Variants in SCARB1 observed in about 807,000 individuals in gnomAD.
SCARB1 encodes the protein scavenger receptor class B member 1.
A neutral mutation model predicts 57.2 loss-of-function variants in SCARB1; 30 were observed. That is an observed-to-expected ratio of 0.52 (90% confidence interval 0.39 to 0.71). The LOEUF is 0.71. SCARB1 is among the 30% of genes least tolerant of loss of function. The pLI, the probability that SCARB1 is intolerant of heterozygous loss-of-function variation, is 0.00. For missense variants in SCARB1, 543 were observed against 671.2 expected (o/e 0.81, Z 2.11); for synonymous variants, 249 against 268.3 (o/e 0.93, Z 0.70).
intron 1 of SCARB1, among the ~76,000 whole-genome samples, chr12:124,856,774 G>A (rs1160101616): frequency 2.6e-5 from 4 of 152,234 alleles, no homozygotes; most frequent in Admixed American, 6.5e-5. Context: ...TGATAAAGGC[G>A]CAGAGCGGGC....
In SCARB1 at chr12:124,812,961, AT is replaced by A. The variant is rs1950577279; in HGVS notation, c.631-997del. ...CAAAATGATAGTCTTTATTTTCATT[AT>A]TATTGTTATTATTAATAAATGCTCA... On this transcript the variant is annotated intron_variant, in intron 4 of 12. Coordinates refer to ENST00000261693, the MANE Select transcript of SCARB1 (RefSeq NM_005505.5). The surrounding 1 kb of genome is among the most constrained non-coding windows in gnomAD (Gnocchi z 4.3). Among the ~76,000 whole-genome samples the A allele has an allele frequency of 6.6e-6, 1 of 152,172 alleles. No individual in the cohort carries two copies. The highest frequency in any genetic ancestry group is 6.5e-5 in the Admixed American group (1 of 15,278).
Position 124,812,455 on chromosome 12 carries a change from G to A in SCARB1, c.631-490C>T, listed in dbSNP as rs141062599. ...ATCCCCAAGTGACCACCACAAGCGC[G>A]GGTGCCCCAGTCACCCACACTGGAC... is the stretch of plus-strand genomic sequence containing the variant. On this transcript the variant is annotated intron_variant, in intron 4 of 12. Transcript: ENST00000261693. This position sits in a 1 kb window ranked among gnomAD's most constrained non-coding sequence, Gnocchi z 4.3. Among the ~76,000 whole-genome samples the A allele has an allele frequency of 2.9e-3, 439 of 152,312 alleles. 1 individual carries two copies. The highest frequency in any genetic ancestry group is 0.01 in the African/African-American group (423 of 41,550).
rs1272609427 is a variant in SCARB1 at position 124,800,370 on chromosome 12, A to G, written c.1010-128T>C. The G allele has an allele frequency of 3.0e-6, 2 of 672,642 alleles. No homozygotes were observed. Among genetic ancestry groups the G allele is most frequent in the Non-Finnish European group, 5.3e-6 (2 of 376,730 alleles). The allele number at this position is 672,642 out of a possible 1,614,324, so 41.7% of individuals were successfully genotyped here. ...TGGCGATGACAAGATAACCAGACAG[A>G]GAGGATCCCTTCCTCCATTCTGTAA... is the stretch of plus-strand genomic sequence containing the variant. On this transcript the variant is annotated intron_variant, in intron 7 of 12. Transcript: ENST00000261693. This position sits in a 1 kb window ranked among gnomAD's most constrained non-coding sequence, Gnocchi z 4.8.
At chr12:124,859,577 C>T (rs1182996561) in intron 1 of SCARB1, among the ~76,000 whole-genome samples, 2 of 152,084 alleles carry the variant, frequency 1.3e-5, no homozygotes, top group Non-Finnish European at 2.9e-5. Context: ...ATTAGGTTTC[C>T]TTTGGCCACA....
chr12:124,794,785 C>G (rs938751531), intron 9 of SCARB1, among the ~76,000 whole-genome samples: 5 of 152,082 alleles, frequency 3.3e-5, no homozygotes, highest in Admixed American at 1.3e-4. Context: ...ACCAAATTAG[C>G]CGGGCGTGGT....
intron 7 of SCARB1, among the ~76,000 whole-genome samples, chr12:124,804,867 T>C (rs1370449278): frequency 6.6e-6 from 1 of 152,200 alleles, no homozygotes; most frequent in Non-Finnish European, 1.5e-5. Context: ...CCGCTTCCGG[T>C]CCTACCAACC....
Position 124,782,749 on chromosome 12 carries a change from C to T in SCARB1, c.1464G>A (p.Gln488=), listed in dbSNP as rs1233229414. 3.1e-6 allele frequency: 5 copies of T among 1,613,890 alleles called. No homozygotes were observed. Among genetic ancestry groups the T allele is most frequent in the Non-Finnish European group, 4.2e-6 (5 of 1,179,766 alleles). ...KKGSKDKEAI[Q]AYSESLMTSA... ...ATGTCATCAGGGATTCAGAATAGGC[C>T]TGAATGGCCTCCTTATCCTTTGAGC... Residue 488 remains glutamine, a synonymous_variant, in exon 12 of 13, where the codon CAG becomes CAA. Transcript: ENST00000261693.
chr12:124,852,390 G>A (rs779557088), intron 1 of SCARB1, among the ~76,000 whole-genome samples: 8 of 152,192 alleles, frequency 5.3e-5, no homozygotes, highest in Non-Finnish European at 1.0e-4. Flanking sequence ...TCCCCAGGGC[G>A]TATGACCTCC....
chr12:124,780,343 GCTGT>G (rs987426263), intron 12 of SCARB1, among the ~76,000 whole-genome samples: 3 of 152,320 alleles, frequency 2.0e-5, no homozygotes, highest in Non-Finnish European at 2.9e-5. Context: ...GCCCAGAGGG[GCTGT>G]CTTTTTCTTA....
intron 1 of SCARB1, among the ~76,000 whole-genome samples, chr12:124,856,783 G>A (rs1226141181): frequency 6.6e-6 from 1 of 152,220 alleles, no homozygotes; most frequent in Admixed American, 6.5e-5. Flanking sequence ...CGCAGAGCGG[G>A]CGGCCCCTGC....
chr12:124,851,998 C>T (rs1365921208), intron 1 of SCARB1, among the ~76,000 whole-genome samples: 1 of 152,110 alleles, frequency 6.6e-6, no homozygotes, highest in Non-Finnish European at 1.5e-5. Context: ...GAGAGAAACA[C>T]TCCCAGCCCC....
intron 1 of SCARB1, among the ~76,000 whole-genome samples, chr12:124,851,714 C>T: frequency 6.6e-6 from 1 of 150,428 alleles, no homozygotes; most frequent in East Asian, 2.0e-4. Context: ...TTCAAGCAGT[C>T]CTCCGCCTCA....
Position 124,776,959 on chromosome 12 carries a change from GGAA to G in SCARB1, c.*1625_*1627del, listed in dbSNP as rs1278148892. The G allele has an allele frequency of 6.7e-6, 1 of 148,758 alleles. No homozygotes were observed. Among genetic ancestry groups the G allele is most frequent in the Non-Finnish European group, 1.5e-5 (1 of 67,234 alleles). 9.2% of individuals were successfully genotyped at this position (148,758 alleles called of 1,614,324 possible). ...TATCATTTAGATAAAATTTTAGGAG[GGAA>G]GAAGAAAGGAAATACAAGTTTAAGG... On this transcript the variant is annotated 3_prime_UTR_variant, in exon 13 of 13. Coordinates refer to ENST00000261693, the MANE Select transcript of SCARB1 (RefSeq NM_005505.5).
At position 124,817,459 on chromosome 12, in the gene SCARB1, A is replaced by C. The variant is rs1418422444; in HGVS notation, c.284+91T>G. ...GCTTCCGGAACAATCTCTGGGGCTC[A>C]GTCAGCAGCCTCCCCATCCCGTCCA... is the stretch of plus-strand genomic sequence containing the variant. On this transcript the variant is annotated intron_variant, in intron 2 of 12. Coordinates refer to ENST00000261693, the MANE Select transcript of SCARB1 (RefSeq NM_005505.5). The surrounding 1 kb of genome is among the most constrained non-coding windows in gnomAD (Gnocchi z 4.8). 1.5e-6 allele frequency: 2 copies of C among 1,306,784 alleles called. No individual in the cohort carries two copies. The highest frequency in any genetic ancestry group is 1.8e-5 in the Admixed American group (1 of 54,362). The allele number at this position is 1,306,784 out of a possible 1,614,324, so 80.9% of individuals were successfully genotyped here. A position where few individuals can be genotyped will look rare whatever the true frequency, so the allele number is the denominator to read the frequency against.
At chr12:124,854,596 G>C (rs1216345078) in intron 1 of SCARB1, among the ~76,000 whole-genome samples, 1 of 152,212 alleles carries the variant, frequency 6.6e-6, no homozygotes. Context: ...GACCAGAGGT[G>C]ATGGCGCCTC....
intron 1 of SCARB1, among the ~76,000 whole-genome samples, chr12:124,824,453 C>T (rs971362362): frequency 2.6e-5 from 4 of 152,214 alleles, no homozygotes; most frequent in Non-Finnish European, 4.4e-5. Context: ...ATCGTGGTAA[C>T]GATTGCGCAA....
intron 10 of SCARB1, 67 bp from the exon 11 acceptor site, chr12:124,786,570 C>A: frequency 6.3e-7 from 1 of 1,596,104 alleles, no homozygotes; most frequent in Non-Finnish European, 8.5e-7. Flanking sequence ...GCAGATGCCA[C>A]CCAACACCTT....
intron 12 of SCARB1, among the ~76,000 whole-genome samples, chr12:124,781,606 G>GA (rs1873486939): frequency 6.6e-6 from 1 of 152,154 alleles, no homozygotes; most frequent in Non-Finnish European, 1.5e-5. Flanking sequence ...AGCAGATAGG[G>GA]CGGCCACATA....
chr12:124,845,834 G>A (rs1195109464), intron 1 of SCARB1, among the ~76,000 whole-genome samples: 4 of 143,620 alleles, frequency 2.8e-5, no homozygotes, highest in East Asian at 4.1e-4. Context: ...GGTGAAACCC[G>A]TCTCTACTAA....
Sources: gnomAD v4.1 joint callset for allele counts (sites outside exome capture counted in the v4.1 genomes callset) on GRCh38, gnomAD v4.1.1 for gene constraint, Gnocchi (gnomAD v3.1) non-coding constraint, MANE v1.5 for transcripts, NCBI Gene and HGNC (gene_info 2026-07-23, HGNC 2026-07-21) for gene names.